Variants in ONECUT3 observed in about 807,000 individuals in gnomAD.
The protein encoded by ONECUT3 is one cut homeobox 3.
A neutral mutation model predicts 16.8 loss-of-function variants in ONECUT3; 11 were observed. The observed-to-expected ratio is 0.66, with a 90% CI of 0.41 to 1.09. The LOEUF is 1.09. Ranked by LOEUF, ONECUT3 falls within the 50% of genes least tolerant of loss-of-function variation. ONECUT3 has a pLI of 0.00. For synonymous variants in ONECUT3, 344 were observed against 310.7 expected (o/e 1.11, Z -1.13); for missense variants, 637 against 629.9 (o/e 1.01, Z -0.12).
At chr19:1,773,635 T>C (rs1465820395) in intron 1 of ONECUT3, among the ~76,000 whole-genome samples, 2 of 152,142 alleles carry the variant, frequency 1.3e-5, no homozygotes, top group African/African-American at 2.4e-5. Context: ...TAGTACTACC[T>C]GCACCACCGG....
chr19:1,753,604 C>T lies in ONECUT3; in HGVS notation c.-59C>T. On this transcript the variant is annotated 5_prime_UTR_variant, in exon 1 of 2. Coordinates refer to ENST00000382349, the MANE Select transcript of ONECUT3 (RefSeq NM_001080488.2). ...CGGGGAGCGGGCGGGAGTCATGCAG[C>T]GGCCTTGAGCACTAGGGGCCGGCGC... 2 of 610,386 alleles carry T rather than the reference C, an allele frequency of 3.3e-6. No individual in the cohort carries two copies. The highest frequency in any genetic ancestry group is 4.2e-6 in the Non-Finnish European group (2 of 476,698). The allele number at this position is 610,386 out of a possible 1,614,324, so 37.8% of individuals were successfully genotyped here.
chr19:1,769,398 CA>C (rs2068032842), intron 1 of ONECUT3, among the ~76,000 whole-genome samples: 2 of 151,928 alleles, frequency 1.3e-5, no homozygotes. Flanking sequence ...GCAGAGGTGG[CA>C]ATGGTGGGCC....
chr19:1,758,035 G>A lies in ONECUT3; in HGVS notation c.1192+3181G>A, dbSNP rs1469841068. ...CCGTCGCGCTTGCCCGGCTCGGGGCGGGCCACGCGTTTCCGCAGGTGCCGA... is the reference window on the plus strand; with the variant it reads ...CCGTCGCGCTTGCCCGGCTCGGGGCAGGCCACGCGTTTCCGCAGGTGCCGA... On this transcript the variant is annotated intron_variant, in intron 1 of 1. Coordinates refer to ENST00000382349, the MANE Select transcript of ONECUT3 (RefSeq NM_001080488.2). This position sits in a 1 kb window ranked among gnomAD's most constrained non-coding sequence, Gnocchi z 5.9. Among the ~76,000 whole-genome samples the A allele has an allele frequency of 6.6e-6, 1 of 152,192 alleles. No individual in the cohort carries two copies. Among genetic ancestry groups the A allele is most frequent in the Non-Finnish European group, 1.5e-5 (1 of 68,018 alleles).
rs1485217084 is a variant in ONECUT3 at position 1,754,252 on chromosome 19, C to T, written c.590C>T (p.Ser197Leu). The T allele has an allele frequency of 2.8e-6, 3 of 1,066,760 alleles. No individual in the cohort carries two copies. The highest frequency in any genetic ancestry group is 1.7e-5 in the African/African-American group (1 of 58,312). 66.1% of individuals were successfully genotyped at this position (1,066,760 alleles called of 1,614,324 possible). Residue 197 changes from serine to leucine, a missense_variant, in exon 1 of 2, where the codon TCG (serine) becomes TTG (leucine). Physicochemically the swap from Ser to Leu is moderately radical, Grantham distance 145. Coordinates refer to ENST00000382349, the MANE Select transcript of ONECUT3 (RefSeq NM_001080488.2). This position sits in a 1 kb window ranked among gnomAD's most constrained non-coding sequence, Gnocchi z 7.4. ...GGCAAGGAGCTGCCCGCCATGGGGT[C>T]GCCGCTGTCGCCGCTGCCCAACGCG... ...PYGKELPAMG[S>L]PLSPLPNALP...
At chr19:1,768,894 AGGTGGAGGTGGTGG>A (rs1254981901) in intron 1 of ONECUT3, among the ~76,000 whole-genome samples, 258 of 136,702 alleles carry the variant, frequency 1.9e-3, no homozygotes, top group Middle Eastern at 3.6e-3. Flanking sequence ...GAGGTGGTGG[AGGTGGAGGTGGTGG>A]AGGTGGAGGT....
intron 1 of ONECUT3, among the ~76,000 whole-genome samples, chr19:1,760,253 T>C (rs1339665634): frequency 2.0e-5 from 3 of 152,066 alleles, no homozygotes; most frequent in Admixed American, 2.0e-4. Flanking sequence ...GACCAGGGCG[T>C]GGCTTTCGGC....
intron 1 of ONECUT3, among the ~76,000 whole-genome samples, chr19:1,763,258 G>A (rs574988977): frequency 5.3e-5 from 8 of 150,914 alleles, no homozygotes; most frequent in Non-Finnish European, 1.2e-4. Context: ...CAGCTACTCC[G>A]GAGGCTGCGA....
chr19:1,773,802 G>A (rs2068078950), intron 1 of ONECUT3, among the ~76,000 whole-genome samples: 1 of 145,878 alleles, frequency 6.9e-6, no homozygotes, highest in South Asian at 2.1e-4. Flanking sequence ...CTGACTTGTG[G>A]CCCAGCTCCT....
At position 1,779,731 on chromosome 19, in the gene ONECUT3, G is replaced by C. The variant is rs1432292931; in HGVS notation, c.*4286G>C. On this transcript the variant is annotated 3_prime_UTR_variant, in exon 2 of 2. Coordinates refer to ENST00000382349, the MANE Select transcript of ONECUT3 (RefSeq NM_001080488.2). ...TGTCGCATCTGTGTGTCTGGTGCCT[G>C]ATCGGTGCTGTTCAGTGGTTTTTCG... 6.6e-6 allele frequency: 1 copy of C among 152,098 alleles called. No individual in the cohort carries two copies. Among genetic ancestry groups the C allele is most frequent in the Non-Finnish European group, 1.5e-5 (1 of 68,082 alleles). 9.4% of individuals were successfully genotyped at this position (152,098 alleles called of 1,614,324 possible). A position where few individuals can be genotyped will look rare whatever the true frequency, so the allele number is the denominator to read the frequency against.
In ONECUT3 at chr19:1,755,755, T is replaced by A. The variant is rs979952425; in HGVS notation, c.1192+901T>A. On this transcript the variant is annotated intron_variant, in intron 1 of 1. Coordinates refer to ENST00000382349, the MANE Select transcript of ONECUT3 (RefSeq NM_001080488.2). The surrounding 1 kb of genome is among the most constrained non-coding windows in gnomAD (Gnocchi z 7.5). ...CTCCCTGTCGGTCTCTCCGCCTCTG[T>A]CTCTGTCTCATACTCAGCCACCGGC... Among the ~76,000 whole-genome samples the A allele has an allele frequency of 1.3e-5, 2 of 152,134 alleles. No individual in the cohort carries two copies. Among genetic ancestry groups the A allele is most frequent in the Admixed American group, 6.5e-5 (1 of 15,278 alleles).
At chr19:1,765,093 CAT>C (rs2067974047) in intron 1 of ONECUT3, among the ~76,000 whole-genome samples, 1 of 152,142 alleles carries the variant, frequency 6.6e-6, no homozygotes, top group Admixed American at 6.5e-5. Context: ...CACAGAGGGA[CAT>C]GGGATGGTCA....
intron 1 of ONECUT3, among the ~76,000 whole-genome samples, chr19:1,770,760 G>A (rs1369760667): frequency 6.6e-6 from 1 of 152,104 alleles, no homozygotes; most frequent in Non-Finnish European, 1.5e-5. Context: ...AGAGGTGAGA[G>A]GTCAATTCAG....
At chr19:1,761,688 A>C (rs2067947170) in intron 1 of ONECUT3, among the ~76,000 whole-genome samples, 1 of 152,104 alleles carries the variant, frequency 6.6e-6, no homozygotes, top group South Asian at 2.1e-4. Context: ...ATGGGCCCTG[A>C]TCAATAGGGA....
Position 1,759,877 on chromosome 19 carries a change from G to A in ONECUT3, c.1192+5023G>A, listed in dbSNP as rs1224368901. Among the ~76,000 whole-genome samples, 2 of 152,162 alleles carry A rather than the reference G, an allele frequency of 1.3e-5. No homozygotes were observed. The highest frequency in any genetic ancestry group is 2.4e-5 in the African/African-American group (1 of 41,456). On this transcript the variant is annotated intron_variant, in intron 1 of 1. Coordinates refer to ENST00000382349, the MANE Select transcript of ONECUT3 (RefSeq NM_001080488.2). The surrounding 1 kb of genome is among the most constrained non-coding windows in gnomAD (Gnocchi z 4.1). ...AGACCGAGACCGTGCCCAGGGCCAC[G>A]AGAACCAGACCCACGTGGGGCTGCG...
At position 1,758,744 on chromosome 19, in the gene ONECUT3, AG is replaced by A. The variant is rs1275061611; in HGVS notation, c.1192+3891del. Among the ~76,000 whole-genome samples, 1 of 139,998 alleles carries A rather than the reference AG, an allele frequency of 7.1e-6. No homozygotes were observed. The highest frequency in any genetic ancestry group is 2.4e-4 in the East Asian group (1 of 4,116). 91.8% of individuals were successfully genotyped at this position (139,998 alleles called of 152,430 possible). ...GCTCTCCCCTGGCGCCGTCTCCAAC[AG>A]TAATTATGGGAGAGGGGCTGGGGGA... On this transcript the variant is annotated intron_variant, in intron 1 of 1. Transcript: ENST00000382349. The surrounding 1 kb of genome is among the most constrained non-coding windows in gnomAD (Gnocchi z 5.9).
chr19:1,765,216 A>AC (rs1001398958), intron 1 of ONECUT3, among the ~76,000 whole-genome samples: 4 of 150,940 alleles, frequency 2.7e-5, no homozygotes, highest in South Asian at 2.1e-4. Context: ...GACCTTGGGG[A>AC]CCCCCCAGGA....
At chr19:1,767,339 T>C (rs1189111624) in intron 1 of ONECUT3, among the ~76,000 whole-genome samples, 1 of 151,958 alleles carries the variant, frequency 6.6e-6, no homozygotes, top group African/African-American at 2.4e-5. Context: ...CATCTTACAG[T>C]TGGGGAAACT....
In ONECUT3 at chr19:1,775,684, C is replaced by G. The variant is rs10408726; in HGVS notation, c.*239C>G. ...TCCAGGCCAAAGGAAGCCCTCCACC[C>G]CCCCCCGGAGGGGAGGGAGTGACAG... On this transcript the variant is annotated 3_prime_UTR_variant, in exon 2 of 2. Coordinates refer to ENST00000382349, the MANE Select transcript of ONECUT3 (RefSeq NM_001080488.2). 1.2e-4 allele frequency: 47 copies of G among 393,104 alleles called. No homozygotes were observed. The highest frequency in any genetic ancestry group is 6.7e-4 in the Middle Eastern group (1 of 1,498). 24.4% of individuals were successfully genotyped at this position (393,104 alleles called of 1,614,324 possible). A position where few individuals can be genotyped will look rare whatever the true frequency, so the allele number is the denominator to read the frequency against.
chr19:1,753,920 C>T lies in ONECUT3; in HGVS notation c.258C>T (p.Gly86=). 1.3e-5 allele frequency: 13 copies of T among 983,980 alleles called. No individual in the cohort carries two copies. The highest frequency in any genetic ancestry group is 1.3e-5 in the Non-Finnish European group (11 of 830,646). 61.0% of individuals were successfully genotyped at this position (983,980 alleles called of 1,614,324 possible). A position where few individuals can be genotyped will look rare whatever the true frequency, so the allele number is the denominator to read the frequency against. ...GGADFRGELA[G]PLHPAMGMAC... ...CGGACTTCCGCGGGGAACTGGCGGG[C>T]CCGCTGCACCCGGCAATGGGCATGG... Residue 86 remains glycine (G), a synonymous_variant, in exon 1 of 2, where the codon GGC becomes GGT. Transcript: ENST00000382349.
Sources: gnomAD v4.1 joint callset for allele counts (sites outside exome capture counted in the v4.1 genomes callset) on GRCh38, gnomAD v4.1.1 for gene constraint, Gnocchi (gnomAD v3.1) non-coding constraint, MANE v1.5 for transcripts, NCBI Gene and HGNC (gene_info 2026-07-23, HGNC 2026-07-21) for gene names.